CERKL: variants seen among roughly 807,000 people sequenced by gnomAD.
CERKL encodes CERK like autophagy regulator.
In CERKL, 61 loss-of-function variants were observed where a neutral mutation model predicts 63.4. The ratio of observed to expected loss-of-function variants is 0.96; its 90% CI spans 0.78 to 1.19. The LOEUF is 1.19. Ranked by LOEUF, CERKL falls within the 50% of genes most tolerant of loss-of-function variation. The pLI is 0.00. For missense variants in CERKL, 675 were observed against 655.5 expected, an observed-to-expected ratio of 1.03 and a Z score of -0.33; for synonymous variants, 250 against 230.5, an observed-to-expected ratio of 1.08 and a Z score of -0.77.
Position 181,656,990 on chromosome 2 carries a change from C to A in CERKL, c.17G>T (p.Arg6Leu), listed in dbSNP as rs758592149. Residue 6 changes from arginine (R) to leucine (L), a missense_variant, in exon 1 of 13, where the codon CGC becomes CTC. Physicochemically the swap from Arg to Leu is moderately radical, Grantham distance 102 (BLOSUM62 -2). Coordinates refer to ENST00000410087, the MANE Select transcript of CERKL (RefSeq NM_201548.5). MPWRR[R>L]RNRVSALEGG... Reference sequence around the variant, plus strand: ...CTCCAGGGCACTCACCCGGTTCCTGCGCCTCCTCCAGGGCATGGCGGAGTC... The same window carrying A: ...CTCCAGGGCACTCACCCGGTTCCTGAGCCTCCTCCAGGGCATGGCGGAGTC... The A allele has an allele frequency of 1.3e-4, 200 of 1,579,298 alleles. 1 individual carries two copies. In the South Asian group the frequency reaches 1.9e-3, roughly 15 times the overall value.
In CERKL at chr2:181,537,004, T is replaced by G; in HGVS notation, c.*1180A>C. Reference sequence around the variant, plus strand: ...AAGTTATCTGTTCACAGGCCTGCAGTGATGGTGAGGAATGTTCTGAGATTT... The same window carrying G: ...AAGTTATCTGTTCACAGGCCTGCAGGGATGGTGAGGAATGTTCTGAGATTT... On this transcript the variant is annotated 3_prime_UTR_variant, in exon 13 of 13. Transcript: ENST00000410087. 1 of 448,550 alleles carries G rather than the reference T, an allele frequency of 2.2e-6. No individual in the cohort carries two copies. Among genetic ancestry groups the G allele is most frequent in the South Asian group, 1.6e-5 (1 of 63,352 alleles). 27.8% of individuals were successfully genotyped at this position (448,550 alleles called of 1,614,324 possible).
intron 1 of CERKL, among the ~76,000 whole-genome samples, chr2:181,616,949 C>T (rs914382753): frequency 1.4e-4 from 21 of 152,082 alleles, no homozygotes; most frequent in African/African-American, 4.6e-4. Context: ...AAAGAGTATA[C>T]AGGGTAAAAA....
chr2:181,547,586 G>A, intron 10 of CERKL, 32 bp downstream of exon 10: 1 of 1,570,836 alleles, frequency 6.4e-7, no homozygotes, highest in Non-Finnish European at 8.8e-7. Context: ...TATAAGAAAT[G>A]TATCAACAAT....
intron 5 of CERKL, among the ~76,000 whole-genome samples, chr2:181,553,325 T>C (rs570188619): frequency 9.3e-4 from 141 of 152,246 alleles, no homozygotes; most frequent in African/African-American, 2.7e-3. Flanking sequence ...CCAATCAGAT[T>C]TGTGGTAAAG....
At chr2:181,624,995 T>C (rs1402461851) in intron 1 of CERKL, among the ~76,000 whole-genome samples, 3 of 152,120 alleles carry the variant, frequency 2.0e-5, no homozygotes, top group African/African-American at 7.2e-5. Context: ...CATGAGCATT[T>C]AGATAGTATT....
At chr2:181,653,875 T>C (rs1177125329) in intron 1 of CERKL, among the ~76,000 whole-genome samples, 2 of 152,164 alleles carry the variant, frequency 1.3e-5, no homozygotes, top group Non-Finnish European at 2.9e-5. Flanking sequence ...TAAAATACTA[T>C]ATATTACAAA....
chr2:181,599,918 A>G (rs953295661), intron 2 of CERKL, among the ~76,000 whole-genome samples: 2 of 152,188 alleles, frequency 1.3e-5, no homozygotes, highest in African/African-American at 4.8e-5. Context: ...TGCAAGGTCA[A>G]CACCAAAGAA....
intron 4 of CERKL, among the ~76,000 whole-genome samples, chr2:181,560,869 T>C (rs1157950159): frequency 6.6e-6 from 1 of 152,192 alleles, no homozygotes; most frequent in Non-Finnish European, 1.5e-5. Context: ...AAAATATGTA[T>C]TTATTTATGT....
chr2:181,603,939 T>C lies in CERKL; in HGVS notation c.379A>G (p.Lys127Glu). 6.2e-7 allele frequency: 1 copy of C among 1,613,398 alleles called. No individual in the cohort carries two copies. The highest frequency in any genetic ancestry group is 1.7e-5 in the Admixed American group (1 of 59,982). The part of the protein sequence containing the change: ...LLGITLFICL[K>E]KEQNKLKNST... ...TTCTTTAGTTTATTTTGTTCCTTTT[T>C]CAAGCAGATGAAGAGTGTGATACCT... is the stretch of plus-strand genomic sequence containing the variant. The change falls in exon 2 of 13, where the codon AAA (lysine) becomes GAA (glutamate). Residue 127 changes from lysine (K) to glutamate (E), a missense_variant. By Grantham distance (56) the Lys-to-Glu change is moderately conservative. Coordinates refer to ENST00000410087, the MANE Select transcript of CERKL (RefSeq NM_201548.5).
intron 11 of CERKL, among the ~76,000 whole-genome samples, chr2:181,541,927 A>G (rs934781729): frequency 3.3e-5 from 5 of 152,194 alleles, no homozygotes; most frequent in Non-Finnish European, 7.3e-5. Context: ...TGAATTTCAG[A>G]ACCTCTTCAG....
At chr2:181,559,895 G>T (rs1359446315) in intron 4 of CERKL, among the ~76,000 whole-genome samples, 1 of 152,062 alleles carries the variant, frequency 6.6e-6, no homozygotes, top group Admixed American at 6.6e-5. Context: ...GGCAATCCAA[G>T]GCTACTCTGG....
intron 1 of CERKL, among the ~76,000 whole-genome samples, chr2:181,634,512 T>C (rs1687094292): frequency 6.6e-6 from 1 of 152,182 alleles, no homozygotes. Flanking sequence ...TTCCAGTGCA[T>C]AGTACTGGTT....
intron 1 of CERKL, among the ~76,000 whole-genome samples, chr2:181,618,816 C>T (rs370123618): frequency 5.3e-5 from 8 of 152,052 alleles, no homozygotes; most frequent in African/African-American, 1.7e-4. Flanking sequence ...TGGTTTTCAA[C>T]GATTTAAGAG....
At chr2:181,595,994 C>T (rs935172210) in intron 2 of CERKL, among the ~76,000 whole-genome samples, 1 of 152,120 alleles carries the variant, frequency 6.6e-6, no homozygotes, top group African/African-American at 2.4e-5. Context: ...TAAAGGAAGA[C>T]ATGTTAACTT....
At chr2:181,655,874 C>A (rs1305254948) in intron 1 of CERKL, among the ~76,000 whole-genome samples, 1 of 152,194 alleles carries the variant, frequency 6.6e-6, no homozygotes, top group Non-Finnish European at 1.5e-5. Context: ...TCTTTCACCG[C>A]TCACATCTAA....
chr2:181,597,388 C>G (rs1685263328), intron 2 of CERKL, among the ~76,000 whole-genome samples: 1 of 152,142 alleles, frequency 6.6e-6, no homozygotes, highest in African/African-American at 2.4e-5. Context: ...TCCAACATAG[C>G]TGACCACAGA....
At chr2:181,638,923 A>G (rs1003526836) in intron 1 of CERKL, among the ~76,000 whole-genome samples, 1 of 152,160 alleles carries the variant, frequency 6.6e-6, no homozygotes, top group Non-Finnish European at 1.5e-5. Context: ...CCCAGTCTGA[A>G]GGTTATTCTT....
chr2:181,640,685 C>T (rs1687381721), intron 1 of CERKL, among the ~76,000 whole-genome samples: 1 of 152,136 alleles, frequency 6.6e-6, no homozygotes, highest in South Asian at 2.1e-4. Flanking sequence ...TCCTGCATAC[C>T]CAATTGCTCT....
intron 4 of CERKL, among the ~76,000 whole-genome samples, chr2:181,561,836 CAG>C (rs1688461772): frequency 6.6e-6 from 1 of 151,714 alleles, no homozygotes; most frequent in Non-Finnish European, 1.5e-5. Context: ...ATTTTTGAGA[CAG>C]AGTCTCGCTC....
Sources: allele counts gnomAD v4.1 joint callset (sites outside exome capture counted in the v4.1 genomes callset), GRCh38; gene constraint gnomAD v4.1.1; transcripts MANE v1.5; gene names NCBI Gene and HGNC (gene_info 2026-07-23, HGNC 2026-07-21).